PASD1: variants seen among roughly 807,000 people sequenced by gnomAD.
PASD1 encodes the protein PAS domain containing repressor 1, also known as circadian clock protein PASD1.
PASD1 carries 13 observed loss-of-function variants against 58.8 expected under a neutral mutation model. That is an observed-to-expected ratio of 0.22 (90% CI 0.14 to 0.35). The LOEUF (loss-of-function observed/expected upper bound fraction) is 0.35, where lower values mean the gene tolerates loss of function less well. Ranked by LOEUF, PASD1 falls within the 10% of genes least tolerant of loss-of-function variation. The pLI, the probability that PASD1 is intolerant of heterozygous loss-of-function variation, is 1.00. For synonymous variants in PASD1, 236 were observed against 216.7 expected (o/e 1.09, Z -0.78); for missense variants, 734 against 568.3 (o/e 1.29, Z -2.96).
chrX:151,583,780 A>G (rs1602909164), intron 1 of PASD1, among the ~76,000 whole-genome samples: 1 of 111,801 alleles, frequency 8.9e-6, no homozygotes, highest in East Asian at 2.8e-4. Flanking sequence ...GGCTCGGAGT[A>G]TGCACTTTGT....
intron 15 of PASD1, 78 bp downstream of exon 15, chrX:151,674,264 C>T (rs2014516828): frequency 4.4e-5 from 50 of 1,130,216 alleles, no homozygotes; most frequent in Non-Finnish European, 6.0e-5. Flanking sequence ...AGGCACACAC[C>T]CCAAGTGCAT....
At chrX:151,581,226 T>TAAAAAAAAAAAAAAA (rs2013086264) in intron 1 of PASD1, among the ~76,000 whole-genome samples, 1 of 2,014 alleles carries the variant, frequency 5.0e-4, no homozygotes, top group Non-Finnish European at 1.1e-3. Flanking sequence ...AAGCTCTGTA[T>TAAAAAAAAAAAAAAA]CAAAAAAAAA....
At chrX:151,674,968 C>G (rs780927188) in intron 15 of PASD1, among the ~76,000 whole-genome samples, 2 of 112,062 alleles carry the variant, frequency 1.8e-5, no homozygotes, top group South Asian at 7.5e-4. Flanking sequence ...GCCACCAGTA[C>G]TGCTAGAAAC....
intron 1 of PASD1, among the ~76,000 whole-genome samples, chrX:151,581,750 GGA>G (rs1476187679): frequency 1.4e-4 from 16 of 110,479 alleles, no homozygotes; most frequent in Admixed American, 7.8e-4. Context: ...TGATGAAAAA[GGA>G]GAGAGGAAAA....
Position 151,604,760 on chromosome X carries a change from A to G in PASD1, c.117+26A>G, listed in dbSNP as rs746742098. 2.1e-5 allele frequency: 23 copies of G among 1,080,306 alleles called. No homozygotes were observed. The African/African-American group carries it at 3.7e-4, about 17-fold the overall frequency. The allele number at this position is 1,080,306 out of a possible 1,213,427, so 89.0% of individuals were successfully genotyped here. On this transcript the variant is annotated intron_variant, in intron 3 of 15. Coordinates refer to ENST00000370357, the MANE Select transcript of PASD1 (RefSeq NM_173493.3). ...GTAAGAGGGCTTTTGTTCTTTGATT[A>G]CTTCATATGTTGAATACATGTAATA...
chrX:151,634,281 C>T (rs188751876), intron 8 of PASD1, among the ~76,000 whole-genome samples: 14 of 110,614 alleles, frequency 1.3e-4, no homozygotes, highest in African/African-American at 4.6e-4. Flanking sequence ...TCTCTCTCTT[C>T]ATATAGATAG....
At chrX:151,646,830 A>G (rs773837833) in intron 8 of PASD1, among the ~76,000 whole-genome samples, 77 of 112,859 alleles carry the variant, frequency 6.8e-4, no homozygotes, top group Admixed American at 2.1e-3. Context: ...TTAAGCACAT[A>G]GTAATTGCTC....
chrX:151,601,430 G>C (rs1385922941), intron 1 of PASD1, 97 bp from the exon 2 acceptor site: 1 of 594,844 alleles, frequency 1.7e-6, no homozygotes, highest in East Asian at 3.4e-5. Flanking sequence ...TGAGGGAAAA[G>C]TGTTACACAA....
chrX:151,603,431 G>A (rs905285984), intron 2 of PASD1, among the ~76,000 whole-genome samples: 2 of 112,165 alleles, frequency 1.8e-5, no homozygotes, highest in Admixed American at 1.9e-4. Flanking sequence ...ATAAAATACA[G>A]TGGTTATCCT....
chrX:151,621,878 G>C (rs1290127260), intron 6 of PASD1, among the ~76,000 whole-genome samples: 1 of 109,588 alleles, frequency 9.1e-6, no homozygotes. Flanking sequence ...AAATAAAGGG[G>C]ACTCTGTGGG....
rs1349755727 is a variant in PASD1, at chrX:151,676,598, G to A, written c.*455G>A. 8.7e-6 allele frequency: 1 copy of A among 114,779 alleles called. No homozygotes were observed. The highest frequency in any genetic ancestry group is 1.8e-5 in the Non-Finnish European group (1 of 55,050). The allele number at this position is 114,779 out of a possible 1,213,427, so 9.5% of individuals were successfully genotyped here. On this transcript the variant is annotated 3_prime_UTR_variant, in exon 16 of 16. Transcript: ENST00000370357. ...AGGTCTTGACCCTGATGATCAACCT[G>A]CCTCCCCTCCATAGTCTTGTTGGAG...
At chrX:151,623,973 A>T (rs1299279247) in intron 7 of PASD1, among the ~76,000 whole-genome samples, 1 of 111,635 alleles carries the variant, frequency 9.0e-6, no homozygotes, top group African/African-American at 3.3e-5. Context: ...GAACTTTGAG[A>T]TCCATGGTAA....
chrX:151,664,427 T>C, intron 11 of PASD1, 79 bp downstream of exon 11: 2 of 1,157,523 alleles, frequency 1.7e-6, no homozygotes, highest in Non-Finnish European at 2.3e-6. Flanking sequence ...TTCACTCTTG[T>C]GACCAGTTTC....
chrX:151,577,580 A>T (rs2013025531), intron 1 of PASD1, among the ~76,000 whole-genome samples: 1 of 111,713 alleles, frequency 9.0e-6, no homozygotes, highest in Non-Finnish European at 1.9e-5. Flanking sequence ...GCTGGAGTGC[A>T]GTGGTGCGAT....
chrX:151,637,302 C>A (rs1464893253), intron 8 of PASD1, among the ~76,000 whole-genome samples: 1 of 112,339 alleles, frequency 8.9e-6, no homozygotes, highest in African/African-American at 3.2e-5. Flanking sequence ...TAAGAAACTA[C>A]CAAATCCTTT....
At chrX:151,622,873 G>T in intron 6 of PASD1, 64 bp from the exon 7 acceptor site, 1 of 1,107,543 alleles carries the variant, frequency 9.0e-7, no homozygotes, top group Non-Finnish European at 1.2e-6. Context: ...GATGTGTCAG[G>T]TATTTGTCTT....
chrX:151,667,342 T>C (rs74752133), intron 11 of PASD1, among the ~76,000 whole-genome samples: 19,289 of 111,076 alleles, frequency 0.17, 1,572 homozygotes, highest in Non-Finnish European at 0.25. Flanking sequence ...GCCTGTTCAC[T>C]CTGATGGTAG....
intron 10 of PASD1, among the ~76,000 whole-genome samples, chrX:151,660,279 G>A (rs1424479915): frequency 1.8e-5 from 2 of 111,683 alleles, no homozygotes; most frequent in Non-Finnish European, 3.8e-5. Context: ...AACCGTAATT[G>A]TTTGAAAAGT....
intron 1 of PASD1, among the ~76,000 whole-genome samples, chrX:151,575,644 T>A (rs1386861607): frequency 9.1e-6 from 1 of 110,017 alleles, no homozygotes; most frequent in Non-Finnish European, 1.9e-5. Flanking sequence ...AGTAATGAGC[T>A]GGAATTTTTT....
Sources: gnomAD v4.1 joint callset for allele counts (sites outside exome capture counted in the v4.1 genomes callset) on GRCh38, gnomAD v4.1.1 for gene constraint, MANE v1.5 for transcripts, NCBI Gene and HGNC (gene_info 2026-07-23, HGNC 2026-07-21) for gene names.